Variants in DLG2 observed in about 807,000 individuals in gnomAD.
The protein encoded by DLG2 is discs large MAGUK scaffold protein 2, also known as disks large homolog 2.
In DLG2, 45 loss-of-function variants were observed where a neutral mutation model predicts 132.5. The ratio of observed to expected loss-of-function variants is 0.34; its 90% CI spans 0.27 to 0.44. DLG2 has a LOEUF of 0.44. Among genes scored for constraint, DLG2 ranks in the 20% least tolerant of loss-of-function variants. The probability of loss-of-function intolerance (pLI) is 1.00; values close to 1 mark genes in which losing one functional copy is unlikely to be tolerated. For missense variants in DLG2, 1,045 were observed against 1,196.9 expected (o/e 0.87, Z 1.87); for synonymous variants, 424 against 419.6 (o/e 1.01, Z -0.13).
intron 18 of DLG2, among the ~76,000 whole-genome samples, chr11:83,658,780 T>G (rs530097327): frequency 1.3e-5 from 2 of 152,332 alleles, no homozygotes; most frequent in East Asian, 1.9e-4. Context: ...TTAAAGAAGT[T>G]TACCACTTCT....
intron 4 of DLG2, among the ~76,000 whole-genome samples, chr11:85,247,830 T>C (rs1327095772): frequency 6.6e-6 from 1 of 152,086 alleles, no homozygotes; most frequent in Non-Finnish European, 1.5e-5. Flanking sequence ...GAGTATATAT[T>C]ATATTAGATA....
intron 19 of DLG2, among the ~76,000 whole-genome samples, chr11:83,545,060 G>A (rs1472223457): frequency 1.3e-5 from 2 of 152,104 alleles, no homozygotes; most frequent in African/African-American, 4.8e-5. Context: ...CTGACTCCAG[G>A]CTCCTTCTGG....
At chr11:83,521,332 T>C (rs1490709446) in intron 21 of DLG2, among the ~76,000 whole-genome samples, 2 of 152,230 alleles carry the variant, frequency 1.3e-5, no homozygotes, top group South Asian at 2.1e-4. Flanking sequence ...ACAGCCAGCT[T>C]TCTGGTTTTA....
intron 12 of DLG2, among the ~76,000 whole-genome samples, chr11:83,975,486 ATGGTC>A (rs2092062935): frequency 1.3e-5 from 2 of 152,064 alleles, no homozygotes; most frequent in Admixed American, 6.6e-5. Context: ...GTCTGATATT[ATGGTC>A]ATCTTATTTA....
intron 6 of DLG2, among the ~76,000 whole-genome samples, chr11:84,970,280 C>T (rs1274186380): frequency 1.3e-5 from 2 of 152,090 alleles, no homozygotes; most frequent in Non-Finnish European, 2.9e-5. Context: ...AGAACTTCCC[C>T]CATCCCATCT....
At chr11:84,821,108 T>TGTTTTAAA (rs557980864) in intron 6 of DLG2, among the ~76,000 whole-genome samples, 1 of 151,940 alleles carries the variant, frequency 6.6e-6, no homozygotes, top group Non-Finnish European at 1.5e-5. Flanking sequence ...TAAATTAGTA[T>TGTTTTAAA]GTTTTAAATT....
intron 3 of DLG2, among the ~76,000 whole-genome samples, chr11:85,566,067 C>T (rs1435474610): frequency 6.6e-6 from 1 of 152,144 alleles, no homozygotes; most frequent in Non-Finnish European, 1.5e-5. Context: ...AGTGATATCA[C>T]TTTGTGCTTC....
chr11:84,032,059 G>C (rs998847437), intron 11 of DLG2, among the ~76,000 whole-genome samples: 1 of 152,042 alleles, frequency 6.6e-6, no homozygotes, highest in African/African-American at 2.4e-5. Context: ...CCAAAAATAT[G>C]TCCTTACCTG....
At chr11:85,535,219 G>T (rs1040305700) in intron 3 of DLG2, among the ~76,000 whole-genome samples, 1 of 152,052 alleles carries the variant, frequency 6.6e-6, no homozygotes, top group South Asian at 2.1e-4. Context: ...TTGCAGTGTG[G>T]TGATGCGGAG....
chr11:84,681,523 T>G (rs1408566743), intron 6 of DLG2, among the ~76,000 whole-genome samples: 1 of 152,152 alleles, frequency 6.6e-6, no homozygotes, highest in Non-Finnish European at 1.5e-5. Flanking sequence ...AGCTTTATGC[T>G]CACAATGTGT....
At chr11:84,117,820 ATAT>A (rs1449909424) in intron 9 of DLG2, among the ~76,000 whole-genome samples, 1 of 152,090 alleles carries the variant, frequency 6.6e-6, no homozygotes, top group Non-Finnish European at 1.5e-5. Flanking sequence ...ATTTTTATTG[ATAT>A]TATTATCGTA....
At chr11:84,349,676 T>C (rs886296354) in intron 7 of DLG2, among the ~76,000 whole-genome samples, 6 of 152,178 alleles carry the variant, frequency 3.9e-5, no homozygotes, top group Admixed American at 3.3e-4. Context: ...TCTTCATAAA[T>C]TCTGAACAGT....
chr11:84,807,706 T>C (rs556307927), intron 6 of DLG2, among the ~76,000 whole-genome samples: 2 of 152,248 alleles, frequency 1.3e-5, no homozygotes, highest in South Asian at 4.1e-4. Context: ...GAATTATCTA[T>C]TGTAATACCA....
chr11:85,492,155 C>T (rs2093575000), intron 3 of DLG2, among the ~76,000 whole-genome samples: 1 of 152,126 alleles, frequency 6.6e-6, no homozygotes, highest in Non-Finnish European at 1.5e-5. Flanking sequence ...AAGTAATATA[C>T]ATGTTAATTC....
chr11:83,777,969 A>G (rs984454184), intron 18 of DLG2, among the ~76,000 whole-genome samples: 3 of 152,192 alleles, frequency 2.0e-5, no homozygotes, highest in African/African-American at 7.2e-5. Flanking sequence ...CAGAAAAGTG[A>G]TATGACTTAG....
intron 6 of DLG2, among the ~76,000 whole-genome samples, chr11:84,688,298 C>A (rs543666077): frequency 1.2e-4 from 19 of 152,020 alleles, no homozygotes; most frequent in African/African-American, 4.3e-4. Flanking sequence ...TCACCACTGC[C>A]CACAACTCTT....
At chr11:84,702,800 T>C (rs1437357785) in intron 6 of DLG2, among the ~76,000 whole-genome samples, 2 of 151,692 alleles carry the variant, frequency 1.3e-5, no homozygotes, top group Non-Finnish European at 3.0e-5. Flanking sequence ...TCTTCCACTA[T>C]ACTATAAACT....
At chr11:83,723,406 T>C (rs2089211326) in intron 18 of DLG2, among the ~76,000 whole-genome samples, 2 of 151,706 alleles carry the variant, frequency 1.3e-5, no homozygotes, top group African/African-American at 4.8e-5. Context: ...AATAATTAAA[T>C]TGAAAACAAC....
At chr11:83,994,667 A>G (rs772085862) in intron 11 of DLG2, among the ~76,000 whole-genome samples, 4 of 152,184 alleles carry the variant, frequency 2.6e-5, no homozygotes, top group Non-Finnish European at 4.4e-5. Context: ...TTCATCATTC[A>G]TTAAAACAAC....
Sources: gnomAD v4.1 joint callset for allele counts (sites outside exome capture counted in the v4.1 genomes callset) on GRCh38, gnomAD v4.1.1 for gene constraint, MANE v1.5 for transcripts, NCBI Gene and HGNC (gene_info 2026-07-23, HGNC 2026-07-21) for gene names.